SMARCAL1: variants seen among roughly 807,000 people sequenced by gnomAD.
The protein encoded by SMARCAL1 is SNF2 related chromatin remodeling annealing helicase 1.
SMARCAL1 carries 58 observed loss-of-function variants against 94.5 expected under a neutral mutation model. That is an observed-to-expected ratio of 0.61 (90% CI 0.50 to 0.76). The LOEUF (loss-of-function observed/expected upper bound fraction) is 0.76. Among genes scored for constraint, SMARCAL1 ranks in the 30% least tolerant of loss-of-function variants. The pLI, the probability that SMARCAL1 is intolerant of heterozygous loss-of-function variation, is 0.00. For missense variants in SMARCAL1, 1,051 were observed against 1,177.9 expected, an observed-to-expected ratio of 0.89 and a Z score of 1.58; for synonymous variants, 422 against 455.1, an observed-to-expected ratio of 0.93 and a Z score of 0.93.
chr2:216,427,808 T>C (rs1292682202), intron 6 of SMARCAL1, among the ~76,000 whole-genome samples: 1 of 152,254 alleles, frequency 6.6e-6, no homozygotes, highest in Non-Finnish European at 1.5e-5. Flanking sequence ...TTGATGGTTG[T>C]GGCAAAAGAC....
chr2:216,415,872 A>T (rs541594160), intron 3 of SMARCAL1: 1 of 391,390 alleles, frequency 2.6e-6, no homozygotes, highest in East Asian at 5.7e-5. Flanking sequence ...AGCAAGATTA[A>T]GTGACAGGCC....
At chr2:216,420,271 C>T (rs887969469) in intron 4 of SMARCAL1, 28 bp from the exon 5 acceptor site, 3 of 1,576,210 alleles carry the variant, frequency 1.9e-6, no homozygotes, top group Middle Eastern at 1.7e-4. Flanking sequence ...TGCTTTATCA[C>T]TTCTGTTCGA....
chr2:216,482,379 G>GGAGGAAGT lies in SMARCAL1; in HGVS notation c.2626-355_2626-348dup, dbSNP rs1410572416. On this transcript the variant is annotated intron_variant, in intron 17 of 17. Coordinates refer to ENST00000357276, the MANE Select transcript of SMARCAL1 (RefSeq NM_014140.4). The surrounding 1 kb of genome is among the most constrained non-coding windows in gnomAD (Gnocchi z 4.3). ...CTGACCCTTAGTAGAGAAAGGCTTT[G>GGAGGAAGT]GAGGAAGTGAGATCTTGGGTGCTAT... is the stretch of plus-strand genomic sequence containing the variant. Among the ~76,000 whole-genome samples the GGAGGAAGT allele has an allele frequency of 1.3e-5, 2 of 152,206 alleles. No homozygotes were observed. Among genetic ancestry groups the GGAGGAAGT allele is most frequent in the Non-Finnish European group, 2.9e-5 (2 of 68,038 alleles).
chr2:216,433,242 A>T (rs1169393381), intron 8 of SMARCAL1, among the ~76,000 whole-genome samples: 1 of 151,602 alleles, frequency 6.6e-6, no homozygotes, highest in Non-Finnish European at 1.5e-5. Context: ...GGATTATGAG[A>T]CTGGCTAGTT....
At chr2:216,471,287 A>C (rs1361716509) in intron 14 of SMARCAL1, among the ~76,000 whole-genome samples, 3 of 152,218 alleles carry the variant, frequency 2.0e-5, no homozygotes, top group African/African-American at 7.2e-5. Flanking sequence ...CCAAGAAATT[A>C]CAAAGGAAAA....
intron 11 of SMARCAL1, among the ~76,000 whole-genome samples, chr2:216,448,256 T>G (rs1488746848): frequency 6.6e-6 from 1 of 152,216 alleles, no homozygotes; most frequent in East Asian, 1.9e-4. Context: ...CAGATTAGAC[T>G]GATGCTATAT....
At chr2:216,454,666 TGA>T (rs1280815801) in intron 12 of SMARCAL1, among the ~76,000 whole-genome samples, 1 of 152,194 alleles carries the variant, frequency 6.6e-6, no homozygotes, top group Non-Finnish European at 1.5e-5. Flanking sequence ...AAGTGGTATA[TGA>T]GAGTTAGTTG....
In SMARCAL1 at chr2:216,463,474, CCCA is replaced by C. The variant is rs201080684; in HGVS notation, c.2071-1115_2071-1113del. On this transcript the variant is annotated intron_variant, in intron 12 of 17. Coordinates refer to ENST00000357276, the MANE Select transcript of SMARCAL1 (RefSeq NM_014140.4). Reference sequence around the variant, plus strand: ...TAAGCATCTCCCAGATGCCCCACTTCCCACCACCACTGCACTGGAAATTAAGTT... The same window carrying C: ...TAAGCATCTCCCAGATGCCCCACTTCCCACCACTGCACTGGAAATTAAGTT... Among the ~76,000 whole-genome samples the C allele has an allele frequency of 2.9e-3, 434 of 152,224 alleles. 6 individuals carry two copies. Among genetic ancestry groups the C allele is most frequent in the East Asian group, 0.025 (128 of 5,178 alleles).
At position 216,478,276 on chromosome 2, in the gene SMARCAL1, G is replaced by A. The variant is rs1695130949; in HGVS notation, c.2602G>A (p.Glu868Lys). 1 of 1,613,846 alleles carries A rather than the reference G, an allele frequency of 6.2e-7. No individual in the cohort carries two copies. The change falls in exon 17 of 18, where the codon GAA becomes AAA. Residue 868 changes from glutamate to lysine, a missense_variant. Glu to Lys is a moderately conservative substitution (Grantham distance 56). Coordinates refer to ENST00000357276, the MANE Select transcript of SMARCAL1 (RefSeq NM_014140.4). ...TGAGACCAATTTTTCAGAAATGACA[G>A]AATCCACTGATTACCTCTACAAGGT... is the stretch of plus-strand genomic sequence containing the variant. ...LSETNFSEMT[E>K]STDYLYKDPK...
rs1466748602 is a variant in SMARCAL1, at chr2:216,475,764, G to A, written c.2427+313G>A. ...CGAGTAGCTAGGATTACAGGTGTGA[G>A]CCACCACGCCAGGCGATTGGCTGTT... On this transcript the variant is annotated intron_variant, in intron 15 of 17. Coordinates refer to ENST00000357276, the MANE Select transcript of SMARCAL1 (RefSeq NM_014140.4). The surrounding 1 kb of genome is among the most constrained non-coding windows in gnomAD (Gnocchi z 4.4). 6.6e-6 allele frequency among the ~76,000 whole-genome samples: 1 copy of A among 152,082 alleles called. No individual in the cohort carries two copies. Among genetic ancestry groups the A allele is most frequent in the Admixed American group, 6.6e-5 (1 of 15,250 alleles).
intron 12 of SMARCAL1, among the ~76,000 whole-genome samples, chr2:216,454,531 T>C (rs1477772169): frequency 6.6e-6 from 1 of 152,156 alleles, no homozygotes; most frequent in Non-Finnish European, 1.5e-5. Flanking sequence ...AGTATACTCA[T>C]TTGACTTTTT....
At chr2:216,456,052 T>C (rs1694559983) in intron 12 of SMARCAL1, among the ~76,000 whole-genome samples, 1 of 152,214 alleles carries the variant, frequency 6.6e-6, no homozygotes, top group South Asian at 2.1e-4. Flanking sequence ...ACGTGACGAA[T>C]GCATAAGCTT....
Position 216,475,182 on chromosome 2 carries a change from T to A in SMARCAL1, c.2245-87T>A. On this transcript the variant is annotated intron_variant, in intron 14 of 17. Coordinates refer to ENST00000357276, the MANE Select transcript of SMARCAL1 (RefSeq NM_014140.4). The surrounding 1 kb of genome is among the most constrained non-coding windows in gnomAD (Gnocchi z 4.4). ...GGGCCTCTGCTGAGCTGGAACCTGG[T>A]TCTGTGCTGGAGCTGTGGCTGGGTG... 7.2e-7 allele frequency: 1 copy of A among 1,390,354 alleles called. No individual in the cohort carries two copies. The highest frequency in any genetic ancestry group is 1.0e-6 in the Non-Finnish European group (1 of 984,968). 86.1% of individuals were successfully genotyped at this position (1,390,354 alleles called of 1,614,324 possible). A position where few individuals can be genotyped will look rare whatever the true frequency, so the allele number is the denominator to read the frequency against.
intron 12 of SMARCAL1, among the ~76,000 whole-genome samples, chr2:216,456,338 C>T (rs1362220056): frequency 2.0e-5 from 3 of 152,166 alleles, no homozygotes; most frequent in African/African-American, 7.2e-5. Context: ...TCAGTAAATA[C>T]AGAGAACGCC....
At chr2:216,451,436 T>C in intron 12 of SMARCAL1, 1 of 310,918 alleles carries the variant, frequency 3.2e-6, no homozygotes, top group Non-Finnish European at 6.3e-6. Flanking sequence ...CTAACATGTT[T>C]GATACATATG....
chr2:216,474,070 A>G (rs1189206832), intron 14 of SMARCAL1, among the ~76,000 whole-genome samples: 1 of 151,846 alleles, frequency 6.6e-6, no homozygotes, highest in African/African-American at 2.4e-5. Flanking sequence ...TGCTGAATGC[A>G]AAGGCCCATT....
intron 14 of SMARCAL1, among the ~76,000 whole-genome samples, chr2:216,470,308 G>A (rs1161332316): frequency 1.2e-4 from 18 of 151,708 alleles, no homozygotes; most frequent in Admixed American, 8.6e-4. Flanking sequence ...ACACCACCAC[G>A]CCCAGCTAAT....
chr2:216,432,584 G>GCAA, intron 7 of SMARCAL1, 134 bp from the exon 8 acceptor site: 1 of 981,562 alleles, frequency 1.0e-6, no homozygotes, highest in Non-Finnish European at 1.6e-6. Flanking sequence ...CTTCTGGGGA[G>GCAA]CAAGTCTGGT....
chr2:216,456,059 G>C (rs925693487), intron 12 of SMARCAL1, among the ~76,000 whole-genome samples: 21 of 152,218 alleles, frequency 1.4e-4, no homozygotes, highest in Non-Finnish European at 2.9e-5. Context: ...GAATGCATAA[G>C]CTTCAGTAGC....
Sources: allele counts gnomAD v4.1 joint callset (sites outside exome capture counted in the v4.1 genomes callset), GRCh38; gene constraint gnomAD v4.1.1; non-coding constraint Gnocchi (gnomAD v3.1); transcripts MANE v1.5; gene names NCBI Gene and HGNC (gene_info 2026-07-23, HGNC 2026-07-21).